The following USHBP1 variants were observed in gnomAD, a reference collection of about 807,000 sequenced individuals.
USHBP1 encodes USH1 protein network component harmonin binding protein 1.
In USHBP1, 67 loss-of-function variants were observed where a neutral mutation model predicts 76.2. That is an observed-to-expected ratio of 0.88 (90% CI 0.72 to 1.08). USHBP1 has a LOEUF of 1.08. Ranked by LOEUF, USHBP1 falls within the 50% of genes least tolerant of loss-of-function variation. The probability of loss-of-function intolerance (pLI) is 0.00; values close to 1 mark genes in which losing one functional copy is unlikely to be tolerated. For missense variants in USHBP1, 931 were observed against 915.0 expected (o/e 1.02, Z -0.23); for synonymous variants, 322 against 362.2 (o/e 0.89, Z 1.26).
chr19:17,254,916 A>G (rs899947660), intron 10 of USHBP1, among the ~76,000 whole-genome samples: 6 of 152,048 alleles, frequency 3.9e-5, no homozygotes, highest in African/African-American at 1.2e-4. Context: ...CAAAGAGGGA[A>G]GTGACCGGTG....
At chr19:17,256,797 G>T in intron 8 of USHBP1, 77 bp from the exon 9 acceptor site, 3 of 1,587,548 alleles carry the variant, frequency 1.9e-6, no homozygotes, top group Non-Finnish European at 2.6e-6. Flanking sequence ...TCCTGGTAGG[G>T]TCCATCACCT....
Position 17,250,004 on chromosome 19 carries a change from T to G in USHBP1, c.*221A>C, listed in dbSNP as rs956642002. 4.5e-5 allele frequency: 26 copies of G among 575,200 alleles called. No homozygotes were observed. Among genetic ancestry groups the G allele is most frequent in the Admixed American group, 6.8e-5 (2 of 29,570 alleles). 35.6% of individuals were successfully genotyped at this position (575,200 alleles called of 1,614,324 possible). A position where few individuals can be genotyped will look rare whatever the true frequency, so the allele number is the denominator to read the frequency against. On this transcript the variant is annotated 3_prime_UTR_variant, in exon 13 of 13. Transcript: ENST00000252597. ...TGCTTCTGGCCTGACCCCACTGATA[T>G]GAAGTTCACATTCCACTTGGTGCCA...
chr19:17,257,535 G>A (rs1297979942), intron 8 of USHBP1, among the ~76,000 whole-genome samples: 4 of 150,230 alleles, frequency 2.7e-5, no homozygotes, highest in Admixed American at 6.6e-5. Context: ...CCAGCTACTC[G>A]GGAGGCTGAG....
chr19:17,259,973 A>T lies in USHBP1; in HGVS notation c.692T>A (p.Leu231His), dbSNP rs374170240. 109 of 1,613,914 alleles carry T rather than the reference A, an allele frequency of 6.8e-5. No homozygotes were observed. Among genetic ancestry groups the T allele is most frequent in the Non-Finnish European group, 8.6e-5 (101 of 1,179,980 alleles). The change falls in exon 5 of 13, where the codon CTT becomes CAT. Residue 231 changes from leucine (L) to histidine (H), a missense_variant. Physicochemically the swap from Leu to His is moderately conservative, Grantham distance 99. Coordinates refer to ENST00000252597, the MANE Select transcript of USHBP1 (RefSeq NM_031941.4). The stretch of plus-strand genomic sequence containing the variant: ...TGAGCCACCTGCTTGGTTGTGGGAA[A>T]GATGTGGGCAGGGCTCCAGCCTCAA... ...SLLRLEPCPH[L>H]SHNQAGGSGS... is the part of the protein sequence containing the mutation.
In USHBP1 at chr19:17,256,635, G is replaced by C; in HGVS notation, c.1306C>G (p.Arg436Gly). The change falls in exon 9 of 13, where the codon CGT becomes GGT. Residue 436 changes from arginine to glycine, a missense_variant. Transcript: ENST00000252597. ...RSYVQRLQER[R>G]SLMKILSEPG... is the part of the protein sequence containing the mutation. ...TCTGAGAGAATCTTCATTAGAGAACGGCGCTCCTGGAGACGCTGGACATAG... is the reference window on the plus strand; with the variant it reads ...TCTGAGAGAATCTTCATTAGAGAACCGCGCTCCTGGAGACGCTGGACATAG... The C allele has an allele frequency of 6.2e-7, 1 of 1,614,192 alleles. No homozygotes were observed. Among genetic ancestry groups the C allele is most frequent in the Non-Finnish European group, 8.5e-7 (1 of 1,180,042 alleles).
At chr19:17,259,561 T>C (rs983089315) in intron 6 of USHBP1, 35 bp downstream of exon 6, 2 of 1,601,764 alleles carry the variant, frequency 1.2e-6, no homozygotes, top group African/African-American at 2.7e-5. Context: ...AGGAGGTGCC[T>C]GTGCCCTTAT....
intron 12 of USHBP1, 144 bp from the exon 13 acceptor site, chr19:17,250,558 G>T: frequency 1.0e-6 from 1 of 980,978 alleles, no homozygotes; most frequent in Non-Finnish European, 1.5e-6. Flanking sequence ...TGTTGTTGTT[G>T]TTGTTGTTTG....
rs2073531273 is a variant in USHBP1 at position 17,250,203 on chromosome 19, C to A, written c.*22G>T. The A allele has an allele frequency of 6.3e-7, 1 of 1,588,538 alleles. No individual in the cohort carries two copies. Among genetic ancestry groups the A allele is most frequent in the Non-Finnish European group, 8.6e-7 (1 of 1,168,292 alleles). ...ACATGCCACAGCTGTCTGGCATGTC[C>A]AGACATGGCTGGGTAAGGGGCCTAC... On this transcript the variant is annotated 3_prime_UTR_variant, in exon 13 of 13. Transcript: ENST00000252597.
In USHBP1 at chr19:17,250,383, G is replaced by A. The variant is rs747268085; in HGVS notation, c.1954C>T (p.Arg652Trp). The change falls in exon 13 of 13, where the codon CGG (arginine) becomes TGG (tryptophan). Residue 652 changes from arginine (R) to tryptophan (W), a missense_variant. Physicochemically the swap from Arg to Trp is moderately radical, Grantham distance 101 (BLOSUM62 -3). Transcript: ENST00000252597. ...ALVLAFRGAHRKQEEQRRKLE... is the reference protein window; with the variant it reads ...ALVLAFRGAHWKQEEQRRKLE... ...TTCCGGCGTTGCTCTTCCTGCTTCC[G>A]GTGGGCTCCTCGGAAGGCCAGGACC... 56 of 1,613,396 alleles carry A rather than the reference G, an allele frequency of 3.5e-5. No homozygotes were observed. The highest frequency in any genetic ancestry group is 2.0e-4 in the East Asian group (9 of 44,878).
chr19:17,254,684 G>T (rs868058044), intron 10 of USHBP1, among the ~76,000 whole-genome samples: 1 of 151,094 alleles, frequency 6.6e-6, no homozygotes, highest in East Asian at 2.0e-4. Flanking sequence ...ATGAGGTCTC[G>T]CTGTGTGGCC....
In USHBP1 at chr19:17,262,943, G is replaced by T. The variant is rs1183194119; in HGVS notation, c.251C>A (p.Ala84Asp). 10 of 1,539,580 alleles carry T rather than the reference G, an allele frequency of 6.5e-6. No homozygotes were observed. The highest frequency in any genetic ancestry group is 7.0e-6 in the Non-Finnish European group (8 of 1,142,996). Residue 84 changes from alanine to aspartate, a missense_variant, in exon 4 of 13, where the codon GCC becomes GAC. By Grantham distance (126) the Ala-to-Asp change is moderately radical (BLOSUM62 -2). Transcript: ENST00000252597. ...TGCAGGTTTGTGGGGCACTTCGGGG[G>T]CTGAGGCCAGTTCCCTGCCAGAGCC... Reference protein sequence around the residue: ...DGGSGRELASAPEVPHKPAVE... With the variant: ...DGGSGRELASDPEVPHKPAVE...
At chr19:17,263,655 G>GA in intron 3 of USHBP1, 1 of 197,242 alleles carries the variant, frequency 5.1e-6, no homozygotes, top group Non-Finnish European at 1.0e-5. Context: ...AAAGTTGGGG[G>GA]ATCACTTAAG....
At chr19:17,251,444 G>A in intron 12 of USHBP1, 138 bp downstream of exon 12, 1 of 1,236,754 alleles carries the variant, frequency 8.1e-7, no homozygotes, top group Non-Finnish European at 1.1e-6. Context: ...GATTACAGGT[G>A]TGAGCCACCA....
Position 17,262,678 on chromosome 19 carries a change from C to T in USHBP1, c.516G>A (p.Glu172=). 6.2e-7 allele frequency: 1 copy of T among 1,614,120 alleles called. No individual in the cohort carries two copies. Among genetic ancestry groups the T allele is most frequent in the Non-Finnish European group, 8.5e-7 (1 of 1,180,036 alleles). Residue 172 remains glutamate (E), a synonymous_variant, in exon 4 of 13, where the codon GAG becomes GAA. Coordinates refer to ENST00000252597, the MANE Select transcript of USHBP1 (RefSeq NM_031941.4). ...KQEGAGSCQR[E]AARLAERNAW... is the part of the protein sequence containing the mutation. ...CATTCCTCTCGGCCAGGCGAGCTGC[C>T]TCTCGCTGGCAGCTCCCTGCCCCTT...
rs140363005 is a variant in USHBP1 at position 17,262,695 on chromosome 19, C to G, written c.499G>C (p.Gly167Arg). ...AGSLGKQEGA[G>R]SCQREAARLA... is the part of the protein sequence containing the mutation. ...CGAGCTGCCTCTCGCTGGCAGCTCC[C>G]TGCCCCTTCCTGCTTCCCAAGGGAA... Residue 167 changes from glycine to arginine, a missense_variant, in exon 4 of 13, where the codon GGG (glycine) becomes CGG (arginine). Transcript: ENST00000252597. The G allele has an allele frequency of 4.5e-5, 73 of 1,614,080 alleles. No individual in the cohort carries two copies. The African/African-American group carries it at 7.7e-4, about 17-fold the overall frequency.
intron 10 of USHBP1, among the ~76,000 whole-genome samples, chr19:17,253,333 G>T (rs2073577428): frequency 6.8e-6 from 1 of 147,310 alleles, no homozygotes; most frequent in Non-Finnish European, 1.5e-5. Flanking sequence ...TCGTCGCCCA[G>T]GCTGGAGTGC....
chr19:17,260,591 A>G (rs930647571), intron 4 of USHBP1, among the ~76,000 whole-genome samples: 11 of 152,034 alleles, frequency 7.2e-5, no homozygotes, highest in Non-Finnish European at 7.4e-5. Context: ...CAGCCTCCCA[A>G]AGTGCTGGGA....
chr19:17,259,218 G>A, intron 7 of USHBP1, 71 bp downstream of exon 7: 2 of 1,526,798 alleles, frequency 1.3e-6, no homozygotes, highest in South Asian at 1.3e-5. Flanking sequence ...TGAGGGTTCT[G>A]TGGATTGGGG....
Position 17,262,785 on chromosome 19 carries a change from G to GCCAGGCTGCAGCCGCTGCCT in USHBP1, c.389_408dup (p.His138GlnfsTer57). The GCCAGGCTGCAGCCGCTGCCT allele has an allele frequency of 1.2e-6, 2 of 1,614,026 alleles. No individual in the cohort carries two copies. The highest frequency in any genetic ancestry group is 1.7e-6 in the Non-Finnish European group (2 of 1,179,998). On this transcript the variant is annotated frameshift_variant, in exon 4 of 13. Coordinates refer to ENST00000252597, the MANE Select transcript of USHBP1 (RefSeq NM_031941.4). LOFTEE classifies it high-confidence loss of function. ...CCAGAATGGCTGGGGGGCTGGTGGCGCCAGGCTGCAGCCGCTGCCTCCAGG... is the reference window on the plus strand; with the variant it reads ...CCAGAATGGCTGGGGGGCTGGTGGCGCCAGGCTGCAGCCGCTGCCTCCAGGCTGCAGCCGCTGCCTCCAGG...
Sources: gnomAD v4.1 joint callset for allele counts (sites outside exome capture counted in the v4.1 genomes callset) on GRCh38, gnomAD v4.1.1 for gene constraint, MANE v1.5 for transcripts, NCBI Gene and HGNC (gene_info 2026-07-23, HGNC 2026-07-21) for gene names.